The following TTC27 variants were observed in gnomAD, a reference collection of about 807,000 sequenced individuals.
TTC27 encodes the protein tetratricopeptide repeat domain 27.
A neutral mutation model predicts 115.9 loss-of-function variants in TTC27; 79 were observed. The observed-to-expected ratio is 0.68, with a 90% confidence interval of 0.57 to 0.82. The LOEUF is 0.82. TTC27 is among the 40% of genes least tolerant of loss of function. The pLI, the probability that TTC27 is intolerant of heterozygous loss-of-function variation, is 0.00. For synonymous variants in TTC27, 401 were observed against 356.0 expected (o/e 1.13, Z -1.42); for missense variants, 1,054 against 993.1 (o/e 1.06, Z -0.82).
intron 11 of TTC27, among the ~76,000 whole-genome samples, chr2:32,735,416 T>C (rs1435315797): frequency 1.3e-5 from 2 of 152,192 alleles, no homozygotes; most frequent in African/African-American, 4.8e-5. Flanking sequence ...TTGAGGGTGT[T>C]GCTTTTTATC....
chr2:32,664,203 A>G, intron 5 of TTC27, 100 bp from the exon 6 acceptor site: 1 of 1,015,642 alleles, frequency 9.8e-7, no homozygotes, highest in Non-Finnish European at 1.4e-6. Flanking sequence ...AACAACAGAG[A>G]CTATGTACTA....
chr2:32,702,946 T>C, intron 10 of TTC27, 26 bp downstream of exon 10: 1 of 1,525,926 alleles, frequency 6.6e-7, no homozygotes, highest in Non-Finnish European at 9.1e-7. Flanking sequence ...GCAATTTGTG[T>C]GCTTCTTCCA....
chr2:32,698,435 G>GTTATTTATTATTATTATTATTATTATTA lies in TTC27; in HGVS notation c.1120-4367_1120-4366insTATTATTATTATTATTATTATTATTATT, dbSNP rs1553552656. ...TTAAGCCATCTCACCCAGCCATAAA[G>GTTATTTATTATTATTATTATTATTATTA]TTATTATTATTATTATTATTATTTT... On this transcript the variant is annotated intron_variant, in intron 9 of 19. Transcript: ENST00000317907. Among the ~76,000 whole-genome samples, 5 of 145,484 alleles carry GTTATTTATTATTATTATTATTATTATTA rather than the reference G, an allele frequency of 3.4e-5. No homozygotes were observed. The East Asian group carries it at 1.0e-3, about 30-fold the overall frequency.
intron 13 of TTC27, among the ~76,000 whole-genome samples, chr2:32,772,268 T>G (rs1419813023): frequency 1.3e-5 from 2 of 152,166 alleles, no homozygotes; most frequent in Non-Finnish European, 2.9e-5. Context: ...GAGGAACCAT[T>G]GTGTGGCTTT....
intron 5 of TTC27, among the ~76,000 whole-genome samples, chr2:32,654,349 G>T (rs1454243202): frequency 6.6e-6 from 1 of 151,990 alleles, no homozygotes; most frequent in Non-Finnish European, 1.5e-5. Flanking sequence ...ACAACTATGA[G>T]GTAGAGCCAA....
At chr2:32,666,486 T>TA in intron 6 of TTC27, 149 bp from the exon 7 acceptor site, 2 of 741,142 alleles carry the variant, frequency 2.7e-6, no homozygotes, top group Non-Finnish European at 3.8e-6. Context: ...ATAAGTCATT[T>TA]AAAACCTGAG....
At chr2:32,662,809 CT>C (rs1283606907) in intron 5 of TTC27, among the ~76,000 whole-genome samples, 1 of 152,018 alleles carries the variant, frequency 6.6e-6, no homozygotes, top group Non-Finnish European at 1.5e-5. Context: ...TATTTCTTGC[CT>C]TCTGCTAGCC....
chr2:32,636,108 T>C (rs1250128587), intron 3 of TTC27, among the ~76,000 whole-genome samples: 1 of 152,242 alleles, frequency 6.6e-6, no homozygotes, highest in Non-Finnish European at 1.5e-5. Context: ...TGAATCAGTT[T>C]CTGGCTTCTA....
chr2:32,811,897 G>T (rs1671327864), intron 17 of TTC27, among the ~76,000 whole-genome samples: 2 of 152,110 alleles, frequency 1.3e-5, no homozygotes. Context: ...CTAATCTGTG[G>T]GATTCTTAGC....
chr2:32,646,457 A>G (rs896865431), intron 4 of TTC27, among the ~76,000 whole-genome samples: 4 of 151,916 alleles, frequency 2.6e-5, no homozygotes, highest in African/African-American at 9.7e-5. Context: ...GGCATAAGCT[A>G]CTGTGCCAGC....
chr2:32,812,747 T>C, intron 18 of TTC27, 132 bp downstream of exon 18: 1 of 663,984 alleles, frequency 1.5e-6, no homozygotes. Flanking sequence ...CATTGTTGTA[T>C]TTAATTCAGC....
intron 13 of TTC27, among the ~76,000 whole-genome samples, chr2:32,760,073 A>G (rs950031578): frequency 2.6e-5 from 4 of 152,158 alleles, no homozygotes; most frequent in African/African-American, 7.2e-5. Context: ...AGAAATTGTC[A>G]TTTTTGAACT....
intron 3 of TTC27, among the ~76,000 whole-genome samples, chr2:32,636,086 T>G (rs902926330): frequency 6.6e-6 from 1 of 152,242 alleles, no homozygotes; most frequent in Admixed American, 6.5e-5. Flanking sequence ...TCATTCCCTC[T>G]CTTATTATGT....
At position 32,751,258 on chromosome 2, in the gene TTC27, CCACACACACACA is replaced by C. The variant is rs56183534; in HGVS notation, c.1453-7001_1453-6990del. Among the ~76,000 whole-genome samples, 402 of 140,854 alleles carry C rather than the reference CCACACACACACA, an allele frequency of 2.9e-3. 3 individuals are homozygous for C. Among genetic ancestry groups the C allele is most frequent in the African/African-American group, 8.9e-3 (335 of 37,450 alleles). 92.4% of individuals were successfully genotyped at this position (140,854 alleles called of 152,430 possible). A position where few individuals can be genotyped will look rare whatever the true frequency, so the allele number is the denominator to read the frequency against. ...GCTCAGTTTAAATGGGTAGGTTAAA[CCACACACACACA>C]CACACACACACACACACACACACAC... is the stretch of plus-strand genomic sequence containing the variant. On this transcript the variant is annotated intron_variant, in intron 12 of 19. Transcript: ENST00000317907.
chr2:32,775,220 C>T (rs773694702), intron 13 of TTC27, among the ~76,000 whole-genome samples: 6 of 152,248 alleles, frequency 3.9e-5, no homozygotes, highest in East Asian at 3.9e-4. Context: ...GTTTTTGAGA[C>T]GGAGTCTCGC....
intron 7 of TTC27, 27 bp downstream of exon 7, chr2:32,666,795 T>C: frequency 1.2e-6 from 2 of 1,608,618 alleles, no homozygotes; most frequent in Admixed American, 1.7e-5. Context: ...GTTATTAAAT[T>C]CAATTAACAC....
chr2:32,775,116 G>C (rs1350633587), intron 13 of TTC27, among the ~76,000 whole-genome samples: 1 of 152,214 alleles, frequency 6.6e-6, no homozygotes, highest in Non-Finnish European at 1.5e-5. Context: ...GCTAATTTTG[G>C]ACATTTGCAA....
chr2:32,685,032 T>G (rs1338918306), intron 9 of TTC27, among the ~76,000 whole-genome samples: 1 of 148,084 alleles, frequency 6.8e-6, no homozygotes, highest in Non-Finnish European at 1.5e-5. Flanking sequence ...TTTTTTTTTT[T>G]TTTTTAATTT....
chr2:32,709,697 G>A (rs1159028330), intron 10 of TTC27, among the ~76,000 whole-genome samples: 11 of 152,158 alleles, frequency 7.2e-5, no homozygotes, highest in Non-Finnish European at 4.4e-5. Flanking sequence ...TCAGGGGCAT[G>A]ACCTCAGGCT....
Sources: gnomAD v4.1 joint callset for allele counts (sites outside exome capture counted in the v4.1 genomes callset) on GRCh38, gnomAD v4.1.1 for gene constraint, MANE v1.5 for transcripts, NCBI Gene and HGNC (gene_info 2026-07-23, HGNC 2026-07-21) for gene names.